The following SNX7 variants were observed in gnomAD, a reference collection of about 807,000 sequenced individuals.
The protein encoded by SNX7 is sorting nexin-7.
A neutral mutation model predicts 48.4 loss-of-function variants in SNX7; 35 were observed. That is an observed-to-expected ratio of 0.72 (90% CI 0.55 to 0.96). SNX7 has a LOEUF of 0.96. Ranked by LOEUF, SNX7 falls within the 40% of genes least tolerant of loss-of-function variation. The pLI, the probability that SNX7 is intolerant of heterozygous loss-of-function variation, is 0.00. For missense variants in SNX7, 553 were observed against 548.9 expected, an observed-to-expected ratio of 1.01 and a Z score of -0.07; for synonymous variants, 190 against 190.2, an observed-to-expected ratio of 1.00 and a Z score of 0.01.
chr1:98,667,591 A>G (rs931420319), intron 1 of SNX7, among the ~76,000 whole-genome samples: 2 of 151,292 alleles, frequency 1.3e-5, no homozygotes, highest in African/African-American at 4.9e-5. Flanking sequence ...CATGTTGTCC[A>G]GGCTGGTCTC....
intron 5 of SNX7, 95 bp from the exon 6 acceptor site, chr1:98,698,611 T>G (rs1393199522): frequency 2.9e-6 from 3 of 1,044,850 alleles, no homozygotes; most frequent in Non-Finnish European, 4.1e-6. Context: ...ATGTGCACTG[T>G]GAGAGAAATA....
At chr1:98,677,077 A>G (rs1027802807) in intron 1 of SNX7, among the ~76,000 whole-genome samples, 2 of 152,242 alleles carry the variant, frequency 1.3e-5, no homozygotes, top group African/African-American at 4.8e-5. Context: ...TAGGGGAACA[A>G]ATGTATCTAA....
At chr1:98,719,924 T>C (rs1353058111) in intron 7 of SNX7, among the ~76,000 whole-genome samples, 2 of 149,598 alleles carry the variant, frequency 1.3e-5, no homozygotes, top group African/African-American at 4.9e-5. Context: ...TTCAACTATG[T>C]ATATTATATA....
chr1:98,739,987 A>G (rs1366863830), intron 8 of SNX7, among the ~76,000 whole-genome samples: 1 of 152,188 alleles, frequency 6.6e-6, no homozygotes, highest in Non-Finnish European at 1.5e-5. Context: ...TGATGAGACT[A>G]GTTAGGAGGC....
chr1:98,760,034 G>A lies in SNX7; in HGVS notation c.1279-20G>A. 6.7e-7 allele frequency: 1 copy of A among 1,486,460 alleles called. No homozygotes were observed. Among genetic ancestry groups the A allele is most frequent in the South Asian group, 1.1e-5 (1 of 88,486 alleles). 92.1% of individuals were successfully genotyped at this position (1,486,460 alleles called of 1,614,324 possible). On this transcript the variant is annotated intron_variant, in intron 8 of 8. Coordinates refer to ENST00000306121, the MANE Select transcript of SNX7 (RefSeq NM_015976.5). Reference sequence around the variant, plus strand: ...AGTAAACTATTGTTGATTGCCTCATGGTGTGTTTCCATTATTCAGTGCCTT... The same window carrying A: ...AGTAAACTATTGTTGATTGCCTCATAGTGTGTTTCCATTATTCAGTGCCTT...
At chr1:98,663,815 T>C (rs892764345) in intron 1 of SNX7, among the ~76,000 whole-genome samples, 3 of 152,190 alleles carry the variant, frequency 2.0e-5, no homozygotes, top group Admixed American at 2.0e-4. Flanking sequence ...TGCTTGTTAG[T>C]GTTAACTGCG....
At chr1:98,719,969 C>T (rs999376083) in intron 7 of SNX7, among the ~76,000 whole-genome samples, 1 of 150,612 alleles carries the variant, frequency 6.6e-6, no homozygotes, top group Non-Finnish European at 1.5e-5. Flanking sequence ...ATAACTGTCC[C>T]AGTCGTACCC....
At chr1:98,745,720 T>G (rs17388577) in intron 8 of SNX7, among the ~76,000 whole-genome samples, 1 of 151,940 alleles carries the variant, frequency 6.6e-6, no homozygotes, top group South Asian at 2.1e-4. Context: ...CTGCATTATC[T>G]TACCGTCTTA....
chr1:98,678,233 G>A (rs1364540739), intron 1 of SNX7, among the ~76,000 whole-genome samples: 1 of 152,136 alleles, frequency 6.6e-6, no homozygotes, highest in Non-Finnish European at 1.5e-5. Context: ...GCAAGAGAAA[G>A]AGGACGATCC....
chr1:98,728,873 T>C (rs1653337684), intron 7 of SNX7, among the ~76,000 whole-genome samples: 1 of 152,134 alleles, frequency 6.6e-6, no homozygotes, highest in Non-Finnish European at 1.5e-5. Flanking sequence ...ACTTTCAGTA[T>C]TACACAGATC....
In SNX7 at chr1:98,721,109, A is replaced by G. The variant is rs540046172; in HGVS notation, c.1126-17128A>G. 2.6e-4 allele frequency among the ~76,000 whole-genome samples: 39 copies of G among 152,186 alleles called. 1 individual carries two copies. Among genetic ancestry groups the G allele is most frequent in the Admixed American group, 2.1e-3 (32 of 15,284 alleles). ...CTTGCACCTCAAGTTTGTGTTCCCA[A>G]TGCATTTCTCCAAAACCCAAAATGC... is the stretch of plus-strand genomic sequence containing the variant. On this transcript the variant is annotated intron_variant, in intron 7 of 8. Coordinates refer to ENST00000306121, the MANE Select transcript of SNX7 (RefSeq NM_015976.5).
chr1:98,725,507 C>T (rs28435978), intron 7 of SNX7, among the ~76,000 whole-genome samples: 40,119 of 151,958 alleles, frequency 0.26, 5,626 homozygotes, highest in Middle Eastern at 0.31. Flanking sequence ...GCTGAAGAAA[C>T]AGTTGTTGGT....
intron 2 of SNX7, among the ~76,000 whole-genome samples, chr1:98,688,632 G>T (rs1650938556): frequency 6.6e-6 from 1 of 152,114 alleles, no homozygotes. Context: ...CTGAAGGTTG[G>T]TATTTTTGGA....
chr1:98,715,819 A>G lies in SNX7; in HGVS notation c.1125+13916A>G, dbSNP rs533509397. Among the ~76,000 whole-genome samples, 9 of 152,290 alleles carry G rather than the reference A, an allele frequency of 5.9e-5. No individual in the cohort carries two copies. In the South Asian group the frequency reaches 1.2e-3, roughly 21 times the overall value. ...TAGAAAAAGTTATGTTTAGAATACAATATCTTGGCATTAGATGTGTTCATT... is the reference window on the plus strand; with the variant it reads ...TAGAAAAAGTTATGTTTAGAATACAGTATCTTGGCATTAGATGTGTTCATT... On this transcript the variant is annotated intron_variant, in intron 7 of 8. Transcript: ENST00000306121.
At chr1:98,710,902 T>C (rs1652266205) in intron 7 of SNX7, among the ~76,000 whole-genome samples, 1 of 152,222 alleles carries the variant, frequency 6.6e-6, no homozygotes. Context: ...TTTTTGAAGA[T>C]GAATTAACGT....
chr1:98,679,879 A>G (rs1557792071), intron 1 of SNX7, among the ~76,000 whole-genome samples: 1 of 152,126 alleles, frequency 6.6e-6, no homozygotes, highest in Non-Finnish European at 1.5e-5. Flanking sequence ...TGGCTTTTCC[A>G]GAGGCACAGT....
At chr1:98,676,646 A>G (rs1253742120) in intron 1 of SNX7, among the ~76,000 whole-genome samples, 3 of 152,232 alleles carry the variant, frequency 2.0e-5, no homozygotes, top group South Asian at 2.1e-4. Context: ...CGATGCTTCA[A>G]AAGCATTTTT....
At chr1:98,667,224 C>G (rs1291947747) in intron 1 of SNX7, among the ~76,000 whole-genome samples, 2 of 152,162 alleles carry the variant, frequency 1.3e-5, no homozygotes, top group Non-Finnish European at 2.9e-5. Flanking sequence ...TCATAATCAG[C>G]CTTCCAAATC....
intron 8 of SNX7, among the ~76,000 whole-genome samples, chr1:98,739,979 A>G (rs2101037654): frequency 6.6e-6 from 1 of 152,292 alleles, no homozygotes; most frequent in Middle Eastern, 3.4e-3. Flanking sequence ...ACTGGACATG[A>G]TGAGACTAGT....
Sources: gnomAD v4.1 joint callset for allele counts (sites outside exome capture counted in the v4.1 genomes callset) on GRCh38, gnomAD v4.1.1 for gene constraint, MANE v1.5 for transcripts, NCBI Gene and HGNC (gene_info 2026-07-23, HGNC 2026-07-21) for gene names.